Variants in C6 observed in about 807,000 individuals in gnomAD.
The protein encoded by C6 is complement C6.
A neutral mutation model predicts 112.9 loss-of-function variants in C6; 101 were observed. The observed-to-expected ratio is 0.89, with a 90% CI of 0.76 to 1.06. The LOEUF (loss-of-function observed/expected upper bound fraction) is 1.06, where lower values mean the gene tolerates loss of function less well. Ranked by LOEUF, C6 falls within the 50% of genes least tolerant of loss-of-function variation. The pLI is 0.00. For missense variants in C6, 1,202 were observed against 1,104.6 expected (o/e 1.09, Z -1.25); for synonymous variants, 431 against 384.1 (o/e 1.12, Z -1.43).
chr5:41,252,723 C>T (rs1741444270), intron 1 of C6, among the ~76,000 whole-genome samples: 2 of 152,114 alleles, frequency 1.3e-5, no homozygotes, highest in South Asian at 2.1e-4. Context: ...TGATAAGAGA[C>T]ATTTACCATC....
upstream of C6, among the ~76,000 whole-genome samples, chr5:41,216,722 T>C (rs955950119): frequency 5.3e-5 from 8 of 152,114 alleles, no homozygotes; most frequent in Non-Finnish European, 8.8e-5. Flanking sequence ...CAGTTCCACT[T>C]CCAGCCATTA....
At position 41,196,528 on chromosome 5, in the gene C6, A is replaced by G. The variant is rs568046639; in HGVS notation, c.446-595T>C. Among the ~76,000 whole-genome samples the G allele has an allele frequency of 4.6e-5, 7 of 152,016 alleles. No homozygotes were observed. In the South Asian group the frequency reaches 1.5e-3, roughly 32 times the overall value. On this transcript the variant is annotated intron_variant, in intron 4 of 17. Transcript: ENST00000337836. ...TCTATATCTCGATATAGAAATCTGT[A>G]TTTTCTATATCTTGACATAGGATTG...
chr5:41,212,820 A>T (rs1305299597), intron 1 of C6: 1 of 152,208 alleles, frequency 6.6e-6, no homozygotes, highest in Non-Finnish European at 1.5e-5. Context: ...AATTTCAATT[A>T]AAATGAAGCC....
At chr5:41,223,173 A>G (rs1739282656) in intron 1 of C6, among the ~76,000 whole-genome samples, 1 of 152,188 alleles carries the variant, frequency 6.6e-6, no homozygotes, top group South Asian at 2.1e-4. Flanking sequence ...TAACATTTAG[A>G]GATTAACAGG....
chr5:41,202,994 T>G (rs1376954995), intron 2 of C6, 94 bp downstream of exon 2: 7 of 1,148,644 alleles, frequency 6.1e-6, no homozygotes, highest in Non-Finnish European at 7.9e-6. Flanking sequence ...GATATATATA[T>G]GTTCCCATTG....
At chr5:41,152,613 A>G (rs1746512364) in intron 15 of C6, 1 of 152,176 alleles carries the variant, frequency 6.6e-6, no homozygotes, top group Non-Finnish European at 1.5e-5. Context: ...TCTTATTCAC[A>G]GTTGTTTTCC....
At chr5:41,163,675 T>C (rs1747741277) in intron 9 of C6, among the ~76,000 whole-genome samples, 1 of 152,212 alleles carries the variant, frequency 6.6e-6, no homozygotes, top group African/African-American at 2.4e-5. Flanking sequence ...GTTTGTTTCA[T>C]ATATGCTATT....
intron 17 of C6, among the ~76,000 whole-genome samples, chr5:41,147,281 A>C (rs2150223984): frequency 6.6e-6 from 1 of 152,342 alleles, no homozygotes; most frequent in African/African-American, 2.4e-5. Flanking sequence ...TTGTCTAAAA[A>C]GTTATTTAAT....
chr5:41,252,736 T>C (rs558722626), intron 1 of C6, among the ~76,000 whole-genome samples: 1 of 152,324 alleles, frequency 6.6e-6, no homozygotes, highest in East Asian at 1.9e-4. Flanking sequence ...TTACCATCTA[T>C]TCTTTCTGAA....
chr5:41,200,891 G>GTTTTGTTTTTTTTTTTTT (rs1554029750), intron 3 of C6, among the ~76,000 whole-genome samples: 8 of 70,654 alleles, frequency 1.1e-4, no homozygotes, highest in Non-Finnish European at 1.5e-4. Flanking sequence ...TGTTGTTGTT[G>GTTTTGTTTTTTTTTTTTT]TTTTTTTTTT....
At chr5:41,259,892 C>T (rs1741939868) in intron 1 of C6, among the ~76,000 whole-genome samples, 1 of 152,194 alleles carries the variant, frequency 6.6e-6, no homozygotes, top group Non-Finnish European at 1.5e-5. Flanking sequence ...CAGAATGTCT[C>T]ACAGAAATTG....
rs532257768 is a variant in C6 at position 41,232,299 on chromosome 5, A to G, written c.-21+28895T>C. Reference sequence around the variant, plus strand: ...CCCTTACTCACTTCTGTTTCCTACTACACTACTCTGAGATAGTGGAAAGCT... The same window carrying G: ...CCCTTACTCACTTCTGTTTCCTACTGCACTACTCTGAGATAGTGGAAAGCT... On this transcript the variant is annotated intron_variant, in intron 1 of 17. Transcript: ENST00000263413. Among the ~76,000 whole-genome samples, 4 of 152,098 alleles carry G rather than the reference A, an allele frequency of 2.6e-5. No homozygotes were observed. The East Asian group carries it at 7.7e-4, about 29-fold the overall frequency.
intron 1 of C6, among the ~76,000 whole-genome samples, chr5:41,258,324 C>A (rs1451557024): frequency 6.6e-6 from 1 of 152,118 alleles, no homozygotes; most frequent in Non-Finnish European, 1.5e-5. Flanking sequence ...GATTCTGACA[C>A]TTATTCAATT....
At position 41,173,188 on chromosome 5, in the gene C6, T is replaced by C. The variant is rs183924902; in HGVS notation, c.1169-841A>G. ...GCTGCTTTCATTGGATGACTCCCCA[T>C]GGTCTTATAACCTGCGAAAACCTTG... is the stretch of plus-strand genomic sequence containing the variant. On this transcript the variant is annotated intron_variant, in intron 8 of 17. Coordinates refer to ENST00000337836, the MANE Select transcript of C6 (RefSeq NM_000065.5). 3.7e-3 allele frequency among the ~76,000 whole-genome samples: 568 copies of C among 152,298 alleles called. 3 individuals are homozygous for C. The highest frequency in any genetic ancestry group is 0.013 in the African/African-American group (543 of 41,568).
At chr5:41,256,789 G>A (rs1580264814) in intron 1 of C6, among the ~76,000 whole-genome samples, 2 of 152,242 alleles carry the variant, frequency 1.3e-5, no homozygotes, top group Admixed American at 1.3e-4. Context: ...TAGACAGATT[G>A]AAGGCCAGCC....
intron 15 of C6, among the ~76,000 whole-genome samples, 187 bp downstream of exon 15, chr5:41,153,623 C>T (rs532548035): frequency 3.9e-5 from 6 of 152,270 alleles, no homozygotes; most frequent in South Asian, 4.1e-4. Context: ...GAATAAAGGA[C>T]GCAGGATGGC....
At position 41,199,735 on chromosome 5, in the gene C6, G is replaced by A. The variant is rs775338443; in HGVS notation, c.445+33C>T. On this transcript the variant is annotated intron_variant, in intron 4 of 17. Coordinates refer to ENST00000337836, the MANE Select transcript of C6 (RefSeq NM_000065.5). The stretch of plus-strand genomic sequence containing the variant: ...CTTTGATTTAGTCAAGCTATTTTTA[G>A]TGGGGACTGAACATTTCACAAAAAT... 3 of 1,606,106 alleles carry A rather than the reference G, an allele frequency of 1.9e-6. No homozygotes were observed. The South Asian group carries it at 3.3e-5, about 18-fold the overall frequency.
In C6 at chr5:41,144,223, T is replaced by C. The variant is rs143746578; in HGVS notation, c.2624-1217A>G. On this transcript the variant is annotated intron_variant, in intron 17 of 17. Transcript: ENST00000337836. ...GTTTCTACAAGTCTTGCCTCCTCAATGAAGCATTTCATAGCAACATAACCA... is the reference window on the plus strand; with the variant it reads ...GTTTCTACAAGTCTTGCCTCCTCAACGAAGCATTTCATAGCAACATAACCA... 5.3e-5 allele frequency among the ~76,000 whole-genome samples: 8 copies of C among 152,314 alleles called. No individual in the cohort carries two copies. In the East Asian group the frequency reaches 1.5e-3, roughly 29 times the overall value.
In C6 at chr5:41,172,339, C is replaced by T. The variant is rs764543477; in HGVS notation, c.1177G>A (p.Glu393Lys). Reference sequence around the variant, plus strand: ...CTGACACAGTGTTTGGCTTCTTCCTCGGTTAAACCTAGGAGATGAAGTACA... The same window carrying T: ...CTGACACAGTGTTTGGCTTCTTCCTTGGTTAAACCTAGGAGATGAAGTACA... ...SEELKNSGLT[E>K]EEAKHCVRIE... Residue 393 changes from glutamate (E) to lysine (K), a missense_variant, in exon 9 of 18, where the codon GAG becomes AAG. Transcript: ENST00000337836. 6 of 1,613,374 alleles carry T rather than the reference C, an allele frequency of 3.7e-6. No individual in the cohort carries two copies. The highest frequency in any genetic ancestry group is 2.2e-5 in the East Asian group (1 of 44,836).
Sources: gnomAD v4.1 joint callset for allele counts (sites outside exome capture counted in the v4.1 genomes callset) on GRCh38, gnomAD v4.1.1 for gene constraint, MANE v1.5 for transcripts, NCBI Gene and HGNC (gene_info 2026-07-23, HGNC 2026-07-21) for gene names.